Variants in SORCS2 observed in about 807,000 individuals in gnomAD.
SORCS2 encodes sortilin related VPS10 domain containing receptor 2.
In SORCS2, 100 loss-of-function variants were observed where a neutral mutation model predicts 141.6. The ratio of observed to expected loss-of-function variants is 0.71; its 90% CI spans 0.60 to 0.83. The LOEUF (loss-of-function observed/expected upper bound fraction) is 0.83, where lower values mean the gene tolerates loss of function less well. Ranked by LOEUF, SORCS2 falls within the 40% of genes least tolerant of loss-of-function variation. SORCS2 has a pLI of 0.00. For synonymous variants in SORCS2, 789 were observed against 676.9 expected (o/e 1.17, Z -2.57); for missense variants, 1,646 against 1,560.2 (o/e 1.05, Z -0.93).
chr4:7,716,765 G>A (rs531852984), intron 17 of SORCS2, among the ~76,000 whole-genome samples: 7 of 152,304 alleles, frequency 4.6e-5, no homozygotes, highest in Non-Finnish European at 1.0e-4. Context: ...TGCAGTGGTT[G>A]CACATCCACC....
At chr4:7,480,742 A>G (rs1730578968) in intron 2 of SORCS2, among the ~76,000 whole-genome samples, 1 of 152,186 alleles carries the variant, frequency 6.6e-6, no homozygotes, top group African/African-American at 2.4e-5. Context: ...GACCGTGCAG[A>G]CGCATCCCCT....
At chr4:7,349,774 G>A (rs1288873829) in intron 1 of SORCS2, among the ~76,000 whole-genome samples, 2 of 152,174 alleles carry the variant, frequency 1.3e-5, no homozygotes, top group Admixed American at 6.5e-5. Flanking sequence ...TGCATGGGCC[G>A]GAGAACTGTT....
At chr4:7,436,755 G>T (rs77765933) in intron 2 of SORCS2, among the ~76,000 whole-genome samples, 6,471 of 152,278 alleles carry the variant, frequency 0.042, 189 homozygotes, top group African/African-American at 0.084. Context: ...TTGTCTACTC[G>T]ACCCTTGATG....
At chr4:7,386,568 A>G (rs1723344992) in intron 1 of SORCS2, among the ~76,000 whole-genome samples, 2 of 135,948 alleles carry the variant, frequency 1.5e-5, no homozygotes, top group Admixed American at 1.5e-4. Flanking sequence ...ACGCACATGC[A>G]CACACATGCA....
At chr4:7,303,780 G>C (rs1039445197) in intron 1 of SORCS2, among the ~76,000 whole-genome samples, 4 of 152,262 alleles carry the variant, frequency 2.6e-5, no homozygotes, top group African/African-American at 9.6e-5. Context: ...GGCCAAGTCA[G>C]AGCGCAGGAC....
intron 2 of SORCS2, among the ~76,000 whole-genome samples, chr4:7,478,378 C>A (rs545286078): frequency 1.6e-4 from 25 of 152,234 alleles, no homozygotes; most frequent in African/African-American, 6.0e-4. Context: ...CAGGTGAGGC[C>A]TCCCACACCC....
chr4:7,691,124 C>T (rs1191805881), intron 11 of SORCS2, among the ~76,000 whole-genome samples: 5 of 152,186 alleles, frequency 3.3e-5, no homozygotes, highest in Non-Finnish European at 5.9e-5. Flanking sequence ...AGGACCCCTT[C>T]CCTCCATTTC....
chr4:7,290,177 G>A (rs532134062), intron 1 of SORCS2, among the ~76,000 whole-genome samples: 12 of 152,258 alleles, frequency 7.9e-5, no homozygotes, highest in African/African-American at 2.6e-4. Flanking sequence ...ATGGCCCAGC[G>A]CCCTTATGTA....
intron 1 of SORCS2, among the ~76,000 whole-genome samples, chr4:7,215,575 T>A (rs934225600): frequency 1.3e-5 from 2 of 152,246 alleles, no homozygotes; most frequent in Non-Finnish European, 2.9e-5. Flanking sequence ...ATCCACTGGG[T>A]GAAGCCAGCT....
chr4:7,263,041 G>A (rs1037930574), intron 1 of SORCS2, among the ~76,000 whole-genome samples: 4 of 152,140 alleles, frequency 2.6e-5, no homozygotes, highest in African/African-American at 9.7e-5. Context: ...CCCGACTGCT[G>A]CAGAGGAAAG....
intron 2 of SORCS2, among the ~76,000 whole-genome samples, chr4:7,446,583 T>G (rs1728016266): frequency 6.6e-6 from 1 of 152,166 alleles, no homozygotes; most frequent in South Asian, 2.1e-4. Context: ...GGACTGAGCC[T>G]GCTCCTTTGT....
chr4:7,661,711 A>G (rs1722185197), intron 6 of SORCS2, 147 bp downstream of exon 6: 2 of 772,320 alleles, frequency 2.6e-6, no homozygotes, highest in East Asian at 2.9e-5. Flanking sequence ...ATGATTTTAA[A>G]TGTGCTTGTT....
intron 2 of SORCS2, among the ~76,000 whole-genome samples, chr4:7,421,491 A>C (rs1726053983): frequency 6.6e-6 from 1 of 152,142 alleles, no homozygotes; most frequent in Non-Finnish European, 1.5e-5. Context: ...GATGTAAAAC[A>C]CAGAGCCCAG....
intron 2 of SORCS2, among the ~76,000 whole-genome samples, chr4:7,497,061 A>C (rs573334734): frequency 6.6e-6 from 1 of 152,238 alleles, no homozygotes; most frequent in Non-Finnish European, 1.5e-5. Flanking sequence ...GATGTTGGCT[A>C]TTCTGCAGAA....
chr4:7,384,841 G>A (rs1723197227), intron 1 of SORCS2, among the ~76,000 whole-genome samples: 1 of 152,250 alleles, frequency 6.6e-6, no homozygotes, highest in South Asian at 2.1e-4. Context: ...ACTCAGAGGA[G>A]AGCCCTTTGC....
At chr4:7,307,871 AGT>A (rs1414414472) in intron 1 of SORCS2, among the ~76,000 whole-genome samples, 15 of 149,630 alleles carry the variant, frequency 1.0e-4, no homozygotes, top group Admixed American at 4.6e-4. Context: ...TGTATGAGTG[AGT>A]GTATGTGCAT....
chr4:7,546,063 C>T (rs1301371926), intron 3 of SORCS2, among the ~76,000 whole-genome samples: 1 of 152,004 alleles, frequency 6.6e-6, no homozygotes, highest in Non-Finnish European at 1.5e-5. Context: ...GCTCCACCCT[C>T]ATGACCTAAT....
In SORCS2 at chr4:7,540,774, C is replaced by T. The variant is rs181127808; in HGVS notation, c.648+9145C>T. 1.7e-3 allele frequency among the ~76,000 whole-genome samples: 260 copies of T among 152,304 alleles called. 1 individual carries two copies. The highest frequency in any genetic ancestry group is 6.8e-3 in the Middle Eastern group (2 of 294). On this transcript the variant is annotated intron_variant, in intron 3 of 26. Transcript: ENST00000507866. ...GGTTCCCTATTTCCTGGCTTTCCGACCCCCCTGCCCCCCGCACCCCGGGTG... is the reference window on the plus strand; with the variant it reads ...GGTTCCCTATTTCCTGGCTTTCCGATCCCCCTGCCCCCCGCACCCCGGGTG...
At chr4:7,417,809 G>A (rs141828179) in intron 2 of SORCS2, among the ~76,000 whole-genome samples, 58 of 152,310 alleles carry the variant, frequency 3.8e-4, no homozygotes, top group African/African-American at 1.0e-3. Context: ...AGTGAGAAGC[G>A]GAGGCCTCTG....
Sources: allele counts gnomAD v4.1 joint callset (sites outside exome capture counted in the v4.1 genomes callset), GRCh38; gene constraint gnomAD v4.1.1; transcripts MANE v1.5; gene names NCBI Gene and HGNC (gene_info 2026-07-23, HGNC 2026-07-21).